Variants in PRDM15 observed in about 807,000 individuals in gnomAD.
PRDM15 encodes PR/SET domain 15.
In PRDM15, 64 loss-of-function variants were observed where a neutral mutation model predicts 128.6. That is an observed-to-expected ratio of 0.50 (90% CI 0.41 to 0.61). PRDM15 has a LOEUF of 0.61. Among genes scored for constraint, PRDM15 ranks in the 20% least tolerant of loss-of-function variants. The probability of loss-of-function intolerance (pLI) is 0.00; values close to 1 mark genes in which losing one functional copy is unlikely to be tolerated. For missense variants in PRDM15, 1,242 were observed against 1,569.1 expected (o/e 0.79, Z 3.52); for synonymous variants, 615 against 621.8 (o/e 0.99, Z 0.16).
In PRDM15 at chr21:41,828,868, C is replaced by T. The variant is rs997046474; in HGVS notation, c.1367-535G>A. ...ATGTGCCCATATTCCCCCCTTCACC[C>T]AAATCCTCCTCAGCACACACACAAT... On this transcript the variant is annotated intron_variant, in intron 11 of 23. Transcript: ENST00000398548. This position sits in a 1 kb window ranked among gnomAD's most constrained non-coding sequence, Gnocchi z 5.7. 1.3e-5 allele frequency among the ~76,000 whole-genome samples: 2 copies of T among 152,010 alleles called. No homozygotes were observed. Among genetic ancestry groups the T allele is most frequent in the Non-Finnish European group, 2.9e-5 (2 of 67,992 alleles).
chr21:41,820,358 A>C (rs117811217), intron 16 of PRDM15, among the ~76,000 whole-genome samples, 184 bp from the exon 17 acceptor site: 6,302 of 152,290 alleles, frequency 0.041, 178 homozygotes, highest in South Asian at 0.12. Flanking sequence ...CCTACATCGA[A>C]GTCTTAACCC....
At chr21:41,824,912 C>T (rs540308633) in intron 13 of PRDM15, among the ~76,000 whole-genome samples, 5 of 152,376 alleles carry the variant, frequency 3.3e-5, no homozygotes, top group African/African-American at 7.2e-5. Flanking sequence ...GGCAGGACGG[C>T]GGGGACGGTG....
At chr21:41,826,083 A>G in intron 12 of PRDM15, 29 bp from the exon 13 acceptor site, 5 of 1,559,224 alleles carry the variant, frequency 3.2e-6, no homozygotes, top group Non-Finnish European at 4.4e-6. Context: ...CCAGCAAGAC[A>G]GTGAATACAC....
chr21:41,819,476 C>CA, intron 18 of PRDM15, 106 bp downstream of exon 18: 2 of 979,068 alleles, frequency 2.0e-6, no homozygotes, highest in Non-Finnish European at 2.9e-6. Context: ...GCCCCCGCCA[C>CA]ACCCACCTTC....
intron 1 of PRDM15, among the ~76,000 whole-genome samples, chr21:41,874,044 G>A (rs1461250593): frequency 1.4e-5 from 2 of 146,996 alleles, no homozygotes; most frequent in African/African-American, 5.2e-5. Flanking sequence ...CTCCAGCCTA[G>A]GTGACGAAGC....
Position 41,854,872 on chromosome 21 carries a change from G to C in PRDM15, c.286-54C>G, listed in dbSNP as rs2063533233. The stretch of plus-strand genomic sequence containing the variant: ...CGGGGAAATGGCTGATTACCCATCT[G>C]TGTATCAGCGTGTGGGGGGCAGGTG... On this transcript the variant is annotated intron_variant, in intron 4 of 23. Transcript: ENST00000398548. This position sits in a 1 kb window ranked among gnomAD's most constrained non-coding sequence, Gnocchi z 4.6. 6.5e-7 allele frequency: 1 copy of C among 1,550,286 alleles called. No individual in the cohort carries two copies. The highest frequency in any genetic ancestry group is 1.8e-5 in the Admixed American group (1 of 56,762).
intron 19 of PRDM15, chr21:41,812,956 A>G (rs574299135): frequency 9.8e-5 from 15 of 152,360 alleles, no homozygotes; most frequent in Admixed American, 8.5e-4. Context: ...GTAATTATGT[A>G]TGTGGTCCAC....
intron 10 of PRDM15, 125 bp from the exon 11 acceptor site, chr21:41,835,649 C>T (rs1403008439): frequency 1.4e-6 from 1 of 697,662 alleles, no homozygotes; most frequent in Non-Finnish European, 2.5e-6. Flanking sequence ...CCACCACCCT[C>T]CCGCTCTATT....
intron 1 of PRDM15, among the ~76,000 whole-genome samples, chr21:41,874,529 T>TTTTTG (rs2064340390): frequency 1.5e-5 from 2 of 133,426 alleles, no homozygotes; most frequent in African/African-American, 5.3e-5. Flanking sequence ...ATATATATTT[T>TTTTTG]TTTTTTTTTT....
intron 5 of PRDM15, among the ~76,000 whole-genome samples, chr21:41,851,709 C>T (rs995948360): frequency 6.6e-6 from 1 of 152,078 alleles, no homozygotes; most frequent in African/African-American, 2.4e-5. Flanking sequence ...ACTTCAAGGG[C>T]CAAGCCAGAG....
Position 41,801,347 on chromosome 21 carries a change from G to A in PRDM15, c.3319C>T (p.Pro1107Ser), listed in dbSNP as rs915405077. The A allele has an allele frequency of 2.5e-6, 4 of 1,602,846 alleles. No homozygotes were observed. Among genetic ancestry groups the A allele is most frequent in the Middle Eastern group, 1.7e-4 (1 of 6,016 alleles). Reference protein sequence around the residue: ...DQHPLTWRAVPQTDVLPPSQP... With the variant: ...DQHPLTWRAVSQTDVLPPSQP... ...GAGGGTGGCAAGACGTCAGTCTGGG[G>A]CACTGCCCGCCACGTGAGCGGGTGC... The change falls in exon 24 of 24, where the codon CCC becomes TCC. Residue 1107 changes from proline (P) to serine (S), a missense_variant. Transcript: ENST00000398548.
At chr21:41,866,850 G>C (rs188490142) in intron 1 of PRDM15, among the ~76,000 whole-genome samples, 3 of 152,282 alleles carry the variant, frequency 2.0e-5, no homozygotes, top group African/African-American at 7.2e-5. Flanking sequence ...GGCTGGTAGA[G>C]CCCAGATCCG....
At chr21:41,844,666 TC>T (rs2063186373) in intron 6 of PRDM15, among the ~76,000 whole-genome samples, 1 of 18,952 alleles carries the variant, frequency 5.3e-5, no homozygotes, top group Non-Finnish European at 9.4e-5. Context: ...ACACAGTCCC[TC>T]CCCCCTCACA....
chr21:41,806,027 C>CCACCATCACCATCACCACCACCAT (rs1568879841), intron 21 of PRDM15, among the ~76,000 whole-genome samples: 1 of 8,460 alleles, frequency 1.2e-4, no homozygotes, highest in Non-Finnish European at 3.0e-4. Context: ...ATCACCACCA[C>CCACCATCACCATCACCACCACCAT]CACCATCACC....
At chr21:41,851,374 A>C (rs928714100) in intron 5 of PRDM15, among the ~76,000 whole-genome samples, 1 of 152,224 alleles carries the variant, frequency 6.6e-6, no homozygotes, top group Non-Finnish European at 1.5e-5. Flanking sequence ...GTTGGGCTCC[A>C]GTGCATAGCT....
chr21:41,853,183 C>T (rs1022756023), intron 5 of PRDM15, among the ~76,000 whole-genome samples: 18 of 152,220 alleles, frequency 1.2e-4, no homozygotes, highest in Non-Finnish European at 2.1e-4. Flanking sequence ...GGCAGCGCAG[C>T]GCCGGGACAC....
At position 41,835,578 on chromosome 21, in the gene PRDM15, G is replaced by A. The variant is rs1363902937; in HGVS notation, c.1279-54C>T. 5 of 1,493,332 alleles carry A rather than the reference G, an allele frequency of 3.3e-6. No homozygotes were observed. In the African/African-American group the frequency reaches 5.5e-5, roughly 16 times the overall value. 92.5% of individuals were successfully genotyped at this position (1,493,332 alleles called of 1,614,324 possible). ...ATGGCCCAGCGCAGAGTCCACAGATGCCGAGCCCCCGACGTGCTGCCCGGG... is the reference window on the plus strand; with the variant it reads ...ATGGCCCAGCGCAGAGTCCACAGATACCGAGCCCCCGACGTGCTGCCCGGG... On this transcript the variant is annotated intron_variant, in intron 10 of 23. Transcript: ENST00000398548.
intron 21 of PRDM15, 71 bp from the exon 22 acceptor site, chr21:41,804,685 C>A (rs1232110788): frequency 2.4e-6 from 3 of 1,256,110 alleles, no homozygotes; most frequent in Non-Finnish European, 2.2e-6. Context: ...AGAAGCCACA[C>A]ACGCCTTGGG....
At position 41,860,391 on chromosome 21, in the gene PRDM15, G is replaced by C. The variant is rs1240916100; in HGVS notation, c.-9-19C>G. On this transcript the variant is annotated intron_variant, in intron 1 of 23. Transcript: ENST00000398548. ...CTGACACCTGTCAGGATACAAGAGA[G>C]CCTCATTAATGACAAGCTCTTACCA... 6.2e-7 allele frequency: 1 copy of C among 1,610,344 alleles called. No individual in the cohort carries two copies. Among genetic ancestry groups the C allele is most frequent in the African/African-American group, 1.3e-5 (1 of 74,840 alleles).
Sources: gnomAD v4.1 joint callset for allele counts (sites outside exome capture counted in the v4.1 genomes callset) on GRCh38, gnomAD v4.1.1 for gene constraint, Gnocchi (gnomAD v3.1) non-coding constraint, MANE v1.5 for transcripts, NCBI Gene and HGNC (gene_info 2026-07-23, HGNC 2026-07-21) for gene names.